Variants in ANO4 observed in about 807,000 individuals in gnomAD.
The protein encoded by ANO4 is anoctamin-4.
ANO4 carries 69 observed loss-of-function variants against 141.9 expected under a neutral mutation model. The ratio of observed to expected loss-of-function variants is 0.49; its 90% CI spans 0.40 to 0.59. The LOEUF is 0.59. Ranked by LOEUF, ANO4 falls within the 20% of genes least tolerant of loss-of-function variation. ANO4 has a pLI of 0.00. For missense variants in ANO4, 894 were observed against 1,162.2 expected (o/e 0.77, Z 3.36); for synonymous variants, 350 against 394.3 (o/e 0.89, Z 1.33).
intron 3 of ANO4, among the ~76,000 whole-genome samples, chr12:100,746,235 C>T (rs2032095857): frequency 6.6e-6 from 1 of 152,136 alleles, no homozygotes; most frequent in African/African-American, 2.4e-5. Context: ...AGGCAGATCA[C>T]CTGAGGTCAG....
chr12:101,084,624 G>A (rs1053394836), intron 16 of ANO4, among the ~76,000 whole-genome samples: 10 of 152,128 alleles, frequency 6.6e-5, no homozygotes, highest in African/African-American at 2.4e-4. Context: ...TGAAGAAACT[G>A]GGGAGATGAA....
At chr12:100,848,735 A>G (rs981789697) in intron 1 of ANO4, among the ~76,000 whole-genome samples, 1 of 152,168 alleles carries the variant, frequency 6.6e-6, no homozygotes, top group African/African-American at 2.4e-5. Flanking sequence ...TGATTGCTCA[A>G]TGGATTTTCT....
intron 14 of ANO4, among the ~76,000 whole-genome samples, chr12:101,051,389 G>A (rs890589432): frequency 1.3e-5 from 2 of 152,074 alleles, no homozygotes; most frequent in Admixed American, 6.5e-5. Context: ...GCCATTCCAG[G>A]CAAGACATGC....
chr12:100,902,511 C>T (rs1385910836), intron 2 of ANO4, among the ~76,000 whole-genome samples: 1 of 152,180 alleles, frequency 6.6e-6, no homozygotes, highest in Non-Finnish European at 1.5e-5. Context: ...GGCAATGTTC[C>T]TGCAAAGTGA....
intron 2 of ANO4, among the ~76,000 whole-genome samples, chr12:100,911,250 C>A (rs2136064951): frequency 6.6e-6 from 1 of 152,236 alleles, no homozygotes; most frequent in South Asian, 2.1e-4. Context: ...AAGTACCTTG[C>A]CTAAGGTTAT....
intron 7 of ANO4, among the ~76,000 whole-genome samples, chr12:100,975,230 T>A (rs2044114615): frequency 6.6e-6 from 1 of 151,750 alleles, no homozygotes; most frequent in African/African-American, 2.4e-5. Flanking sequence ...ATAAGTTATT[T>A]AGTGGTGATT....
intron 7 of ANO4, among the ~76,000 whole-genome samples, chr12:100,985,511 A>G (rs897084715): frequency 2.6e-5 from 4 of 152,146 alleles, no homozygotes; most frequent in African/African-American, 7.2e-5. Context: ...CACTTGCCCA[A>G]GGTTTTGCTG....
chr12:100,803,736 T>G (rs2034829897), intron 1 of ANO4, among the ~76,000 whole-genome samples: 1 of 152,116 alleles, frequency 6.6e-6, no homozygotes, highest in South Asian at 2.1e-4. Context: ...TCCTCAATTA[T>G]AAAAATGAGA....
intron 3 of ANO4, among the ~76,000 whole-genome samples, chr12:100,779,880 T>A (rs2033660189): frequency 6.6e-6 from 1 of 152,236 alleles, no homozygotes; most frequent in Non-Finnish European, 1.5e-5. Context: ...GCGAATTGTT[T>A]GGTATCCTTG....
chr12:100,861,677 T>G (rs2038484648), intron 1 of ANO4, among the ~76,000 whole-genome samples: 1 of 152,228 alleles, frequency 6.6e-6, no homozygotes, highest in African/African-American at 2.4e-5. Context: ...GTTTCTTCAC[T>G]GTTAAATTAA....
chr12:101,103,179 CATTTTATAT>C lies in ANO4; in HGVS notation c.2149+3462_2149+3470del, dbSNP rs1240266814. On this transcript the variant is annotated intron_variant, in intron 22 of 27. Coordinates refer to ENST00000392977, the MANE Select transcript of ANO4 (RefSeq NM_001286615.2). ...ATAACTTTACATTTTCCTTTTTAGT[CATTTTATAT>C]ATATATATATATATATATATATATA... Among the ~76,000 whole-genome samples, 85 of 70,268 alleles carry C rather than the reference CATTTTATAT, an allele frequency of 1.2e-3. 3 individuals carry two copies. Among genetic ancestry groups the C allele is most frequent in the African/African-American group, 5.3e-3 (79 of 14,804 alleles). 46.1% of individuals were successfully genotyped at this position (70,268 alleles called of 152,430 possible).
At chr12:100,916,996 C>T (rs1295491826) in intron 2 of ANO4, among the ~76,000 whole-genome samples, 2 of 147,586 alleles carry the variant, frequency 1.4e-5, no homozygotes, top group Non-Finnish European at 3.0e-5. Context: ...AAAAAAAAAG[C>T]CTAGCTGTAA....
intron 22 of ANO4, among the ~76,000 whole-genome samples, chr12:101,105,542 G>C (rs529171722): frequency 6.6e-6 from 1 of 152,282 alleles, no homozygotes; most frequent in African/African-American, 2.4e-5. Flanking sequence ...CCTTGATCTA[G>C]AGCCTCTACA....
intron 7 of ANO4, among the ~76,000 whole-genome samples, chr12:100,983,535 A>G (rs536102554): frequency 1.4e-4 from 21 of 152,264 alleles, no homozygotes; most frequent in African/African-American, 5.1e-4. Flanking sequence ...GGTTGCTGGC[A>G]CAATTCAGTT....
chr12:100,959,293 C>T lies in ANO4; in HGVS notation c.457-12013C>T, dbSNP rs183333839. 5.3e-5 allele frequency among the ~76,000 whole-genome samples: 8 copies of T among 152,276 alleles called. No homozygotes were observed. In the East Asian group the frequency reaches 1.4e-3, roughly 26 times the overall value. On this transcript the variant is annotated intron_variant, in intron 5 of 27. Coordinates refer to ENST00000392977, the MANE Select transcript of ANO4 (RefSeq NM_001286615.2). ...TGAATCCCCTCTCACCTCACCTTCT[C>T]AAGGACTTTGCTCCTGTAATTGTCT...
chr12:100,733,538 G>T (rs2031478532), intron 1 of ANO4, among the ~76,000 whole-genome samples: 1 of 152,124 alleles, frequency 6.6e-6, no homozygotes, highest in Admixed American at 6.5e-5. Context: ...ACATGAAACT[G>T]CAATTGCCTG....
chr12:100,975,016 A>T, intron 7 of ANO4, 127 bp downstream of exon 7: 1 of 1,092,786 alleles, frequency 9.2e-7, no homozygotes, highest in Non-Finnish European at 1.4e-6. Flanking sequence ...TGCCATGCAC[A>T]TTTTAAAATC....
intron 1 of ANO4, among the ~76,000 whole-genome samples, chr12:100,840,733 A>C (rs796073135): frequency 1.4e-4 from 21 of 152,270 alleles, no homozygotes; most frequent in African/African-American, 5.1e-4. Context: ...AGACTGTAGT[A>C]ACATAGAGAC....
intron 1 of ANO4, among the ~76,000 whole-genome samples, chr12:100,884,612 G>A (rs2039737474): frequency 6.6e-6 from 1 of 152,194 alleles, no homozygotes; most frequent in Admixed American, 6.5e-5. Flanking sequence ...GATGTCTGGT[G>A]CAGGTCTCAC....
Sources: gnomAD v4.1 joint callset for allele counts (sites outside exome capture counted in the v4.1 genomes callset) on GRCh38, gnomAD v4.1.1 for gene constraint, MANE v1.5 for transcripts, NCBI Gene and HGNC (gene_info 2026-07-23, HGNC 2026-07-21) for gene names.